The following S100A16 variants were observed in gnomAD, a reference collection of about 807,000 sequenced individuals.
The protein encoded by S100A16 is S100 calcium binding protein A16, also known as protein S100-A16.
Under a neutral mutation model 9.0 loss-of-function variants are expected in S100A16, and 8 were observed. The observed-to-expected ratio is 0.89, with a 90% CI of 0.52 to 1.60. S100A16 has a LOEUF of 1.60. Among genes scored for constraint, S100A16 ranks in the 40% most tolerant of loss-of-function variants. The pLI is 0.00. For synonymous variants in S100A16, 51 were observed against 51.4 expected (o/e 0.99, Z 0.04); for missense variants, 138 against 132.4 (o/e 1.04, Z -0.21).
chr1:153,608,095 G>A lies in S100A16; in HGVS notation c.57C>T (p.Phe19=). The A allele has an allele frequency of 6.2e-7, 1 of 1,614,054 alleles. No homozygotes were observed. Among genetic ancestry groups the A allele is most frequent in the Non-Finnish European group, 8.5e-7 (1 of 1,179,948 alleles). ...GGCTGTACTTAGACACATATTTGTA[G>A]AAGTTTTCCACCAGGACAATGACTG... ...EKAVIVLVEN[F]YKYVSKYSLV... The change falls in exon 2 of 3, where the codon TTC becomes TTT. Residue 19 remains phenylalanine (F), a synonymous_variant. Coordinates refer to ENST00000368706, the MANE Select transcript of S100A16 (RefSeq NM_080388.3).
At chr1:153,612,647 T>C (rs1423186646) in intron 1 of S100A16, among the ~76,000 whole-genome samples, 1 of 151,900 alleles carries the variant, frequency 6.6e-6, no homozygotes, top group Admixed American at 6.6e-5. Flanking sequence ...GAGGATCGAG[T>C]AGCTGTGGTC....
chr1:153,608,062 C>T lies in S100A16; in HGVS notation c.90G>A (p.Lys30=), dbSNP rs1446712445. The stretch of plus-strand genomic sequence containing the variant: ...GGAAGCTGCTCTTGCTGATCTTGTT[C>T]TTGACCAGGCTGTACTTAGACACAT... ...YKYVSKYSLV[K]NKISKSSFRE... Residue 30 remains lysine (K), a synonymous_variant, in exon 2 of 3, where the codon AAG becomes AAA. Coordinates refer to ENST00000368706, the MANE Select transcript of S100A16 (RefSeq NM_080388.3). 1 of 1,613,956 alleles carries T rather than the reference C, an allele frequency of 6.2e-7. No individual in the cohort carries two copies. Among genetic ancestry groups the T allele is most frequent in the Non-Finnish European group, 8.5e-7 (1 of 1,179,966 alleles).
intron 1 of S100A16, among the ~76,000 whole-genome samples, chr1:153,610,270 T>C (rs1000679863): frequency 2.6e-5 from 4 of 152,164 alleles, no homozygotes; most frequent in African/African-American, 9.7e-5. Context: ...AGTGGGAAGA[T>C]AATTCAGAGA....
rs1666714393 is a variant in S100A16 at position 153,607,348 on chromosome 1, G to T, written c.*186C>A. The stretch of plus-strand genomic sequence containing the variant: ...CGACTCCAGGAGCTGAGACCCCCCA[G>T]GGAGGGAGGTACCTCTAGACTGAGA... On this transcript the variant is annotated 3_prime_UTR_variant, in exon 3 of 3. Transcript: ENST00000368706. The T allele has an allele frequency of 8.6e-6, 6 of 697,792 alleles. No homozygotes were observed. Among genetic ancestry groups the T allele is most frequent in the Non-Finnish European group, 2.4e-6 (1 of 425,360 alleles). The allele number at this position is 697,792 out of a possible 1,614,324, so 43.2% of individuals were successfully genotyped here. A position where few individuals can be genotyped will look rare whatever the true frequency, so the allele number is the denominator to read the frequency against.
At chr1:153,612,227 C>T (rs1666852742) in intron 1 of S100A16, among the ~76,000 whole-genome samples, 1 of 152,144 alleles carries the variant, frequency 6.6e-6, no homozygotes, top group South Asian at 2.1e-4. Context: ...CAGGGGAAGG[C>T]TCCCATAGTG....
chr1:153,609,148 A>G (rs1666777286), intron 1 of S100A16: 6 of 985,654 alleles, frequency 6.1e-6, no homozygotes, highest in Non-Finnish European at 7.2e-6. Context: ...CCCACCCCCA[A>G]GCCCAGGAAT....
chr1:153,607,745 C>G (rs774508580), intron 2 of S100A16, 53 bp from the exon 3 acceptor site: 1 of 1,602,826 alleles, frequency 6.2e-7, no homozygotes, highest in South Asian at 1.1e-5. Flanking sequence ...CAGAGAGACT[C>G]CAGGCAGGAC....
chr1:153,609,817 T>C (rs979620531), intron 1 of S100A16, among the ~76,000 whole-genome samples: 3 of 152,108 alleles, frequency 2.0e-5, no homozygotes, highest in African/African-American at 7.2e-5. Flanking sequence ...TCATGAAGCC[T>C]CTTCTGAAGG....
At chr1:153,609,295 T>TCC in intron 1 of S100A16, 1 of 985,988 alleles carries the variant, frequency 1.0e-6, no homozygotes, top group Non-Finnish European at 1.2e-6. Flanking sequence ...CACCACAGCC[T>TCC]CCTGTCCTGC....
chr1:153,608,558 G>T (rs1379038966), intron 1 of S100A16, among the ~76,000 whole-genome samples: 1 of 152,120 alleles, frequency 6.6e-6, no homozygotes, highest in South Asian at 2.1e-4. Flanking sequence ...CACCTCTCCC[G>T]GGGCCAAGCA....
chr1:153,611,157 G>GCCCCC (rs1666828163), intron 1 of S100A16, among the ~76,000 whole-genome samples: 1 of 46,082 alleles, frequency 2.2e-5, no homozygotes, highest in Admixed American at 2.7e-4. Flanking sequence ...ACCCACCTCA[G>GCCCCC]CCCAGCTTGC....
intron 2 of S100A16, 34 bp downstream of exon 2, chr1:153,607,965 G>A: frequency 6.2e-7 from 1 of 1,606,484 alleles, no homozygotes; most frequent in Non-Finnish European, 8.5e-7. Context: ...GGGAAGGGGA[G>A]AGGGAGGCAA....
At chr1:153,607,859 T>A in intron 2 of S100A16, 140 bp downstream of exon 2, 1 of 1,184,786 alleles carries the variant, frequency 8.4e-7, no homozygotes. Flanking sequence ...GACAGAGGCC[T>A]GGGGGTGTAG....
At chr1:153,610,753 G>A (rs565705256) in intron 1 of S100A16, among the ~76,000 whole-genome samples, 13 of 152,204 alleles carry the variant, frequency 8.5e-5, no homozygotes, top group East Asian at 5.8e-4. Flanking sequence ...GGCAGGGATC[G>A]TTATCCTCCT....
chr1:153,610,368 T>C (rs1163106415), intron 1 of S100A16, among the ~76,000 whole-genome samples: 1 of 152,094 alleles, frequency 6.6e-6, no homozygotes, highest in Non-Finnish European at 1.5e-5. Context: ...GGGAAGGAAA[T>C]GGGTGGTGCA....
At position 153,607,768 on chromosome 1, in the gene S100A16, C is replaced by A. The variant is rs1571266732; in HGVS notation, c.154-76G>T. 4.5e-6 allele frequency: 7 copies of A among 1,563,196 alleles called. No individual in the cohort carries two copies. In the East Asian group the frequency reaches 1.3e-4, roughly 30 times the overall value. ...CTCCAGGCAGGACCCTAGGCAGAGACCCAGGATCTGGCCTGCACAGCTGCT... is the reference window on the plus strand; with the variant it reads ...CTCCAGGCAGGACCCTAGGCAGAGAACCAGGATCTGGCCTGCACAGCTGCT... On this transcript the variant is annotated intron_variant, in intron 2 of 2. Coordinates refer to ENST00000368706, the MANE Select transcript of S100A16 (RefSeq NM_080388.3).
At position 153,607,399 on chromosome 1, in the gene S100A16, C is replaced by A; in HGVS notation, c.*135G>T. On this transcript the variant is annotated 3_prime_UTR_variant, in exon 3 of 3. Transcript: ENST00000368706. ...CACTCACAAAGGGACCCCAGTTCAGCAAGGGTCAGAGGAAGGTCTGGAGGG... is the reference window on the plus strand; with the variant it reads ...CACTCACAAAGGGACCCCAGTTCAGAAAGGGTCAGAGGAAGGTCTGGAGGG... The A allele has an allele frequency of 9.9e-7, 1 of 1,006,974 alleles. No individual in the cohort carries two copies. Among genetic ancestry groups the A allele is most frequent in the Non-Finnish European group, 1.5e-6 (1 of 679,044 alleles). 62.4% of individuals were successfully genotyped at this position (1,006,974 alleles called of 1,614,324 possible). A position where few individuals can be genotyped will look rare whatever the true frequency, so the allele number is the denominator to read the frequency against.
rs573169072 is a variant in S100A16 at position 153,607,670 on chromosome 1, G to A, written c.176C>T (p.Ala59Val). The A allele has an allele frequency of 6.8e-6, 11 of 1,614,040 alleles. No homozygotes were observed. The highest frequency in any genetic ancestry group is 1.3e-5 in the African/African-American group (1 of 74,926). ...MLSDTGNRKA[A>V]DKLIQNLDAN... ...ATCCAGGTTCTGGATGAGCTTATCC[G>A]CAGCCTTCCGGTTCCCTGTGTCCTG... Residue 59 changes from alanine to valine, a missense_variant, in exon 3 of 3, where the codon GCG becomes GTG. By Grantham distance (64) the Ala-to-Val change is moderately conservative (BLOSUM62 0). Transcript: ENST00000368706.
Position 153,607,729 on chromosome 1 carries a change from A to G in S100A16, c.154-37T>C, listed in dbSNP as rs1331944092. On this transcript the variant is annotated intron_variant, in intron 2 of 2. Transcript: ENST00000368706. ...GCAGGGTCAGCAATGCTGATGGTGGAAGCCCCAGAGAGACTCCAGGCAGGA... is the reference window on the plus strand; with the variant it reads ...GCAGGGTCAGCAATGCTGATGGTGGGAGCCCCAGAGAGACTCCAGGCAGGA... The G allele has an allele frequency of 2.5e-6, 4 of 1,613,150 alleles. No homozygotes were observed. The African/African-American group carries it at 4.0e-5, about 16-fold the overall frequency.
Sources: gnomAD v4.1 joint callset for allele counts (sites outside exome capture counted in the v4.1 genomes callset) on GRCh38, gnomAD v4.1.1 for gene constraint, MANE v1.5 for transcripts, NCBI Gene and HGNC (gene_info 2026-07-23, HGNC 2026-07-21) for gene names.